Variants in KLK5 observed in about 807,000 individuals in gnomAD.
The protein encoded by KLK5 is kallikrein related peptidase 5.
In KLK5, 18 loss-of-function variants were observed where a neutral mutation model predicts 24.0. The ratio of observed to expected loss-of-function variants is 0.75; its 90% CI spans 0.52 to 1.11. The LOEUF is 1.11. Among genes scored for constraint, KLK5 ranks in the 50% most tolerant of loss-of-function variants. KLK5 has a pLI of 0.00. For synonymous variants in KLK5, 140 were observed against 154.0 expected, an observed-to-expected ratio of 0.91 and a Z score of 0.67; for missense variants, 374 against 379.2, an observed-to-expected ratio of 0.99 and a Z score of 0.11.
rs184424023 is a variant in KLK5, at chr19:50,949,640, C to T, written c.335+215G>A. Among the ~76,000 whole-genome samples, 1,003 of 151,870 alleles carry T rather than the reference C, an allele frequency of 6.6e-3. 10 individuals are homozygous for T. Among genetic ancestry groups the T allele is most frequent in the Non-Finnish European group, 5.7e-3 (390 of 67,988 alleles). On this transcript the variant is annotated intron_variant, in intron 3 of 5. Coordinates refer to ENST00000336334, the MANE Select transcript of KLK5 (RefSeq NM_012427.5). ...ACCTCATCCTCCCACCTTGCTCCCC[C>T]GCAAAACTCCATCCTTAGTCCTATC...
rs910868128 is a variant in KLK5, at chr19:50,952,711, G to A, written c.-12+36C>T. 5.3e-5 allele frequency: 77 copies of A among 1,442,296 alleles called. No homozygotes were observed. In the Admixed American group the frequency reaches 1.4e-3, roughly 26 times the overall value. 89.3% of individuals were successfully genotyped at this position (1,442,296 alleles called of 1,614,324 possible). A position where few individuals can be genotyped will look rare whatever the true frequency, so the allele number is the denominator to read the frequency against. ...GAGGGTTGGGAGGCCCAGGCGATCC[G>A]GGGAGCCCTTAACCCACTTCCCCTC... is the stretch of plus-strand genomic sequence containing the variant. On this transcript the variant is annotated intron_variant, in intron 1 of 5. Transcript: ENST00000336334.
At position 50,947,448 on chromosome 19, in the gene KLK5, CT is replaced by C. The variant is rs1453548415; in HGVS notation, c.726+1191del. Among the ~76,000 whole-genome samples the C allele has an allele frequency of 1.3e-5, 2 of 152,178 alleles. No homozygotes were observed. The highest frequency in any genetic ancestry group is 2.4e-5 in the African/African-American group (1 of 41,444). ...ATGCCACCTCTCCAAGGAGGCTCCC[CT>C]GACCACCTTTTTGAATATTGGCCCT... On this transcript the variant is annotated intron_variant, in intron 5 of 5. Coordinates refer to ENST00000336334, the MANE Select transcript of KLK5 (RefSeq NM_012427.5). This position sits in a 1 kb window ranked among gnomAD's most constrained non-coding sequence, Gnocchi z 8.7.
Position 50,952,675 on chromosome 19 carries a change from G to A in KLK5, c.-11-7C>T. 1 of 1,587,430 alleles carries A rather than the reference G, an allele frequency of 6.3e-7. No individual in the cohort carries two copies. The highest frequency in any genetic ancestry group is 8.6e-7 in the Non-Finnish European group (1 of 1,166,072). ...GTAGCCATGGCCGCTGCACCTGGAT[G>A]GGGAATGTCAGAGGGTTGGGAGGCC... On this transcript the variant is annotated splice_region_variant and splice_polypyrimidine_tract_variant and intron_variant, in intron 1 of 5. Transcript: ENST00000336334.
In KLK5 at chr19:50,952,970, TG is replaced by T. The variant is rs2090701406; in HGVS notation, c.-236del. On this transcript the variant is annotated 5_prime_UTR_variant, in exon 1 of 6. Transcript: ENST00000336334. The stretch of plus-strand genomic sequence containing the variant: ...CTTGCCCTGTCCCCCAGGTAGGGGG[TG>T]GGGGATTTGCTCCCAGCTCAGCCGC... 1.2e-5 allele frequency: 3 copies of T among 249,508 alleles called. No individual in the cohort carries two copies. Among genetic ancestry groups the T allele is most frequent in the Non-Finnish European group, 1.5e-5 (2 of 131,318 alleles). 15.5% of individuals were successfully genotyped at this position (249,508 alleles called of 1,614,324 possible). A position where few individuals can be genotyped will look rare whatever the true frequency, so the allele number is the denominator to read the frequency against.
At chr19:50,949,739 A>ACCCCCCCTCCCCCCCCCCCCCCCCCCC in intron 3 of KLK5, 116 bp downstream of exon 3, 1 of 432,330 alleles carries the variant, frequency 2.3e-6, no homozygotes. Context: ...GACACCCCCA[A>ACCCCCCCTCCCCCCCCCCCCCCCCCCC]CCCCACTTCC....
chr19:50,947,001 G>A lies in KLK5; in HGVS notation c.726+1639C>T, dbSNP rs1295483346. Among the ~76,000 whole-genome samples the A allele has an allele frequency of 6.6e-6, 1 of 151,740 alleles. No homozygotes were observed. Among genetic ancestry groups the A allele is most frequent in the South Asian group, 2.1e-4 (1 of 4,772 alleles). ...TTTGGGGGGAGCTTTTCATAGCCAT[G>A]GGACTGGAGTACTCCTGAATCCCCA... On this transcript the variant is annotated intron_variant, in intron 5 of 5. Coordinates refer to ENST00000336334, the MANE Select transcript of KLK5 (RefSeq NM_012427.5). The surrounding 1 kb of genome is among the most constrained non-coding windows in gnomAD (Gnocchi z 8.7).
chr19:50,950,910 C>T (rs1339945958), intron 2 of KLK5, among the ~76,000 whole-genome samples: 1 of 71,106 alleles, frequency 1.4e-5, no homozygotes, highest in Admixed American at 1.4e-4. Context: ...AAAAAAAAAG[C>T]TCTGACTTTG....
intron 5 of KLK5, among the ~76,000 whole-genome samples, chr19:50,945,198 G>A (rs571704377): frequency 1.3e-5 from 2 of 150,650 alleles, no homozygotes; most frequent in African/African-American, 2.4e-5. Flanking sequence ...AGCCTCAAAC[G>A]TTTGGGCTCA....
intron 5 of KLK5, among the ~76,000 whole-genome samples, chr19:50,945,974 G>A (rs1171431417): frequency 6.6e-6 from 1 of 152,144 alleles, no homozygotes; most frequent in African/African-American, 2.4e-5. Flanking sequence ...GTCTCCCAGA[G>A]TGCTGGGATT....
Position 50,947,360 on chromosome 19 carries a change from G to A in KLK5, c.726+1280C>T, listed in dbSNP as rs1038114852. Among the ~76,000 whole-genome samples, 1 of 152,142 alleles carries A rather than the reference G, an allele frequency of 6.6e-6. No individual in the cohort carries two copies. The highest frequency in any genetic ancestry group is 1.5e-5 in the Non-Finnish European group (1 of 68,038). ...TTACTGCCTCAGGGCCTTTGCACGT[G>A]CCTTTTCTTTCCCCTTAAACTTCAC... On this transcript the variant is annotated intron_variant, in intron 5 of 5. Coordinates refer to ENST00000336334, the MANE Select transcript of KLK5 (RefSeq NM_012427.5). This position sits in a 1 kb window ranked among gnomAD's most constrained non-coding sequence, Gnocchi z 8.7.
chr19:50,952,375 AT>A (rs1373972520), intron 2 of KLK5, among the ~76,000 whole-genome samples: 1 of 152,100 alleles, frequency 6.6e-6, no homozygotes, highest in Non-Finnish European at 1.5e-5. Context: ...GTCACCTGAT[AT>A]GGGAAAAGGC....
Position 50,949,010 on chromosome 19 carries a change from G to A in KLK5, c.441C>T (p.His147=), listed in dbSNP as rs764775995. The A allele has an allele frequency of 3.1e-6, 5 of 1,613,946 alleles. No homozygotes were observed. The South Asian group carries it at 5.5e-5, about 18-fold the overall frequency. ...VKSIPHPGYS[H]PGHSNDLMLI... is the part of the protein sequence containing the mutation. ...GCATGAGGTCGTTAGAGTGGCCAGG[G>A]TGGGAGTAGCCAGGGTGGGGGATGG... is the stretch of plus-strand genomic sequence containing the variant. Residue 147 remains histidine, a synonymous_variant, in exon 4 of 6, where the codon CAC becomes CAT. Coordinates refer to ENST00000336334, the MANE Select transcript of KLK5 (RefSeq NM_012427.5).
chr19:50,946,361 T>C (rs1250127726), intron 5 of KLK5, among the ~76,000 whole-genome samples: 2 of 152,244 alleles, frequency 1.3e-5, no homozygotes, highest in Non-Finnish European at 1.5e-5. Flanking sequence ...ATTATTTTTA[T>C]ACTATTGGTA....
intron 2 of KLK5, 170 bp from the exon 3 acceptor site, chr19:50,950,286 C>G (rs2090676175): frequency 3.1e-6 from 2 of 649,680 alleles, no homozygotes; most frequent in African/African-American, 3.6e-5. Flanking sequence ...GGCTCAAGCT[C>G]AAGGACAGAG....
intron 5 of KLK5, among the ~76,000 whole-genome samples, chr19:50,945,504 A>G (rs1339380631): frequency 6.6e-6 from 1 of 151,790 alleles, no homozygotes; most frequent in Non-Finnish European, 1.5e-5. Flanking sequence ...AGAAATGTCT[A>G]TCTCCCACCT....
chr19:50,948,947 A>G lies in KLK5; in HGVS notation c.504T>C (p.Asp168=), dbSNP rs751822802. 1 of 1,613,920 alleles carries G rather than the reference A, an allele frequency of 6.2e-7. No individual in the cohort carries two copies. Among genetic ancestry groups the G allele is most frequent in the Non-Finnish European group, 8.5e-7 (1 of 1,180,012 alleles). Residue 168 remains aspartate, a synonymous_variant, in exon 4 of 6, where the codon GAT becomes GAC. Coordinates refer to ENST00000336334, the MANE Select transcript of KLK5 (RefSeq NM_012427.5). Reference sequence around the variant, plus strand: ...GAGAGGAGACGTTGATGGGTCTGACATCTTTAGTGGGACGAATTCTTCTGT... The same window carrying G: ...GAGAGGAGACGTTGATGGGTCTGACGTCTTTAGTGGGACGAATTCTTCTGT... ...KLNRRIRPTK[D]VRPINVSSHC...
chr19:50,944,428 C>T (rs897854787), intron 5 of KLK5, among the ~76,000 whole-genome samples: 20 of 152,264 alleles, frequency 1.3e-4, no homozygotes, highest in East Asian at 3.9e-4. Context: ...CTCGAATCTT[C>T]GTCTCTACTT....
Position 50,948,743 on chromosome 19 carries a change from T to C in KLK5, c.623A>G (p.Asn208Ser), listed in dbSNP as rs768795873. 6 of 1,614,124 alleles carry C rather than the reference T, an allele frequency of 3.7e-6. No individual in the cohort carries two copies. Among genetic ancestry groups the C allele is most frequent in the South Asian group, 2.2e-5 (2 of 91,084 alleles). ...VHFPKVLQCLNISVLSQKRCE... is the reference protein window; with the variant it reads ...VHFPKVLQCLSISVLSQKRCE... ...CCTTTTCTGACTTAGCACGCTGATA[T>C]TCAAGCACTGGAGGACCTTAGGGAA... The change falls in exon 5 of 6, where the codon AAT becomes AGT. Residue 208 changes from asparagine to serine, a missense_variant. Coordinates refer to ENST00000336334, the MANE Select transcript of KLK5 (RefSeq NM_012427.5).
Position 50,952,590 on chromosome 19 carries a change from A to T in KLK5, c.68T>A (p.Val23Asp), listed in dbSNP as rs765934850. The T allele has an allele frequency of 1.3e-5, 21 of 1,599,476 alleles. 1 individual carries two copies. In the South Asian group the frequency reaches 2.3e-4, roughly 18 times the overall value. The change falls in exon 2 of 6, where the codon GTC (valine) becomes GAC (aspartate). Residue 23 changes from valine to aspartate, a missense_variant. Val to Asp is a radical substitution (Grantham distance 152). Transcript: ENST00000336334. ...CALITALLLG[V>D]TEHVLANNDV... ...CACCCCAGAGTTCTGGTTACCTGTGACCCCCAGAAGCAAGGCTGTGATCAG... is the reference window on the plus strand; with the variant it reads ...CACCCCAGAGTTCTGGTTACCTGTGTCCCCCAGAAGCAAGGCTGTGATCAG...
Sources: allele counts gnomAD v4.1 joint callset (sites outside exome capture counted in the v4.1 genomes callset), GRCh38; gene constraint gnomAD v4.1.1; non-coding constraint Gnocchi (gnomAD v3.1); transcripts MANE v1.5; gene names NCBI Gene and HGNC (gene_info 2026-07-23, HGNC 2026-07-21).